The following UTP18 variants were observed in gnomAD, a reference collection of about 807,000 sequenced individuals.
UTP18 encodes U3 small nucleolar RNA-associated protein 18 homolog.
Under a neutral mutation model 61.1 loss-of-function variants are expected in UTP18, and 36 were observed. That is an observed-to-expected ratio of 0.59 (90% CI 0.45 to 0.78). The LOEUF is 0.78. UTP18 is among the 30% of genes least tolerant of loss of function. The pLI is 0.00. For synonymous variants in UTP18, 282 were observed against 251.1 expected, an observed-to-expected ratio of 1.12 and a Z score of -1.16; for missense variants, 753 against 693.9, an observed-to-expected ratio of 1.09 and a Z score of -0.96.
intron 12 of UTP18, among the ~76,000 whole-genome samples, chr17:51,295,445 A>G (rs1275352048): frequency 2.0e-5 from 3 of 152,170 alleles, no homozygotes; most frequent in East Asian, 3.8e-4. Flanking sequence ...AGCACCATTT[A>G]TTAAATAGGC....
At position 51,272,245 on chromosome 17, in the gene UTP18, T is replaced by C. The variant is rs139983702; in HGVS notation, c.623-1117T>C. ...TCCCAAGTAGCTGGGATTACAGACA[T>C]AAGCCATCATGCCCAGTTAATTTTT... On this transcript the variant is annotated intron_variant, in intron 4 of 13. Coordinates refer to ENST00000225298, the MANE Select transcript of UTP18 (RefSeq NM_016001.3). Among the ~76,000 whole-genome samples the C allele has an allele frequency of 2.0e-5, 3 of 152,154 alleles. No homozygotes were observed. The East Asian group carries it at 5.8e-4, about 29-fold the overall frequency.
At chr17:51,297,443 GC>G (rs1396736333) in intron 13 of UTP18, among the ~76,000 whole-genome samples, 1 of 152,168 alleles carries the variant, frequency 6.6e-6, no homozygotes, top group East Asian at 1.9e-4. Flanking sequence ...TAGTTCTGCT[GC>G]CCAATATTTA....
chr17:51,288,704 G>T, intron 11 of UTP18: 2 of 436,268 alleles, frequency 4.6e-6, no homozygotes, highest in Non-Finnish European at 9.2e-6. Flanking sequence ...CTCCAGGTTT[G>T]GTGGCTAACG....
chr17:51,281,487 C>A (rs1038513889), intron 9 of UTP18, among the ~76,000 whole-genome samples: 3 of 152,032 alleles, frequency 2.0e-5, no homozygotes, highest in African/African-American at 7.2e-5. Context: ...GGAAAAACTT[C>A]CACTACAGTT....
chr17:51,262,604 C>T (rs115136334), intron 1 of UTP18, among the ~76,000 whole-genome samples: 172 of 152,100 alleles, frequency 1.1e-3, no homozygotes, highest in African/African-American at 4.0e-3. Context: ...CACAATTCTC[C>T]GAACACTTTA....
chr17:51,273,437 G>C lies in UTP18; in HGVS notation c.698G>C (p.Arg233Thr), dbSNP rs1904599858. The C allele has an allele frequency of 1.9e-6, 3 of 1,610,284 alleles. No individual in the cohort carries two copies. The highest frequency in any genetic ancestry group is 2.5e-6 in the Non-Finnish European group (3 of 1,178,236). Residue 233 changes from arginine (R) to threonine (T), a missense_variant, in exon 5 of 14, where the codon AGA (arginine) becomes ACA (threonine). Coordinates refer to ENST00000225298, the MANE Select transcript of UTP18 (RefSeq NM_016001.3). The stretch of plus-strand genomic sequence containing the variant: ...ATATCCACATCAACTTCTCTTCCAA[G>C]AGGAATCTTGAAGGTGAGAGTCAGT... ...NFISTSTSLP[R>T]GILKMKNCQH...
chr17:51,270,173 CCCTTT>C (rs1223340544), intron 4 of UTP18, among the ~76,000 whole-genome samples: 1 of 152,088 alleles, frequency 6.6e-6, no homozygotes, highest in Admixed American at 6.6e-5. Context: ...TCCCCTTCTT[CCCTTT>C]TCTTTAAGAA....
chr17:51,291,090 C>T (rs763835464), intron 11 of UTP18, among the ~76,000 whole-genome samples: 2 of 152,172 alleles, frequency 1.3e-5, no homozygotes. Context: ...ACTTAACTGT[C>T]GTGATAGAAA....
intron 4 of UTP18, among the ~76,000 whole-genome samples, chr17:51,271,485 A>AT (rs1184353891): frequency 6.6e-6 from 1 of 150,892 alleles, no homozygotes; most frequent in Admixed American, 6.6e-5. Flanking sequence ...GAAAAAAAAA[A>AT]TTTTTTTTTG....
At chr17:51,270,832 G>A (rs1904504052) in intron 4 of UTP18, among the ~76,000 whole-genome samples, 1 of 152,120 alleles carries the variant, frequency 6.6e-6, no homozygotes, top group Admixed American at 6.5e-5. Flanking sequence ...AAAAGGAAGT[G>A]GATTAAGTCA....
chr17:51,285,061 CAAAA>C (rs370210639), intron 9 of UTP18, among the ~76,000 whole-genome samples, 180 bp from the exon 10 acceptor site: 1 of 109,152 alleles, frequency 9.2e-6, no homozygotes, highest in Non-Finnish European at 1.9e-5. Context: ...AACTGCATCT[CAAAA>C]AAAAAAAAAG....
At chr17:51,283,740 G>A (rs532278190) in intron 9 of UTP18, among the ~76,000 whole-genome samples, 1 of 151,402 alleles carries the variant, frequency 6.6e-6, no homozygotes, top group East Asian at 2.0e-4. Flanking sequence ...CAGCCTCCCC[G>A]AGTAGCTGGG....
intron 4 of UTP18, 138 bp downstream of exon 4, chr17:51,269,042 T>A: frequency 2.5e-6 from 2 of 801,084 alleles, no homozygotes; most frequent in Non-Finnish European, 3.9e-6. Flanking sequence ...ATCCCAGTGC[T>A]TTGGGAGCCC....
intron 11 of UTP18, among the ~76,000 whole-genome samples, chr17:51,291,949 C>T (rs1032042893): frequency 6.6e-5 from 10 of 152,012 alleles, no homozygotes; most frequent in Admixed American, 1.3e-4. Flanking sequence ...TTGTCCTCAC[C>T]CCTTGTAGCA....
intron 10 of UTP18, among the ~76,000 whole-genome samples, chr17:51,287,601 GC>G (rs770234602): frequency 3.3e-5 from 5 of 152,130 alleles, no homozygotes; most frequent in Non-Finnish European, 7.3e-5. Context: ...TATGCATGTG[GC>G]CACCCCCACA....
In UTP18 at chr17:51,277,324, C is replaced by T. The variant is rs369675578; in HGVS notation, c.1012+20C>T. 2 of 1,611,580 alleles carry T rather than the reference C, an allele frequency of 1.2e-6. No individual in the cohort carries two copies. ...TGAGAGGTAAGATTTCTGTTGAATG[C>T]ACACAACCAGTCATTCCCCCCAAGG... On this transcript the variant is annotated intron_variant, in intron 7 of 13. Coordinates refer to ENST00000225298, the MANE Select transcript of UTP18 (RefSeq NM_016001.3).
At chr17:51,263,460 C>A in intron 2 of UTP18, 74 bp downstream of exon 2, 1 of 1,102,514 alleles carries the variant, frequency 9.1e-7, no homozygotes, top group Non-Finnish European at 1.3e-6. Context: ...TAAAATCATT[C>A]TTTTTACCAA....
At chr17:51,286,978 T>TCCCCCCCCCCCCCC (rs11397806) in intron 10 of UTP18, among the ~76,000 whole-genome samples, 2 of 123,466 alleles carry the variant, frequency 1.6e-5, no homozygotes, top group Non-Finnish European at 3.2e-5. Context: ...CCCTCCCCCT[T>TCCCCCCCCCCCCCC]CCCCCCCCGA....
At chr17:51,271,094 T>C (rs1318899069) in intron 4 of UTP18, among the ~76,000 whole-genome samples, 1 of 152,208 alleles carries the variant, frequency 6.6e-6, no homozygotes, top group African/African-American at 2.4e-5. Flanking sequence ...ATTAATATTA[T>C]GAATTGTTGT....
Sources: gnomAD v4.1 joint callset for allele counts (sites outside exome capture counted in the v4.1 genomes callset) on GRCh38, gnomAD v4.1.1 for gene constraint, MANE v1.5 for transcripts, NCBI Gene and HGNC (gene_info 2026-07-23, HGNC 2026-07-21) for gene names.